The following RBM33 variants were observed in gnomAD, a reference collection of about 807,000 sequenced individuals.
RBM33 encodes the protein RNA binding motif protein 33, also known as RNA-binding protein 33.
A neutral mutation model predicts 132.6 loss-of-function variants in RBM33; 28 were observed. The ratio of observed to expected loss-of-function variants is 0.21; its 90% CI spans 0.16 to 0.29. The LOEUF (loss-of-function observed/expected upper bound fraction) is 0.29, where lower values mean the gene tolerates loss of function less well. RBM33 is among the 10% of genes least tolerant of loss of function. RBM33 has a pLI of 1.00. For missense variants in RBM33, 1,291 were observed against 1,518.5 expected, an observed-to-expected ratio of 0.85 and a Z score of 2.49; for synonymous variants, 634 against 593.0, an observed-to-expected ratio of 1.07 and a Z score of -1.01.
rs766542785 is a variant in RBM33 at position 155,775,030 on chromosome 7, A to G, written c.3502A>G (p.Ile1168Val). 1 of 1,613,734 alleles carries G rather than the reference A, an allele frequency of 6.2e-7. No individual in the cohort carries two copies. The highest frequency in any genetic ancestry group is 1.1e-5 in the South Asian group (1 of 91,072). Residue 1168 changes from isoleucine (I) to valine (V), a missense_variant, in exon 18 of 18, where the codon ATC (isoleucine) becomes GTC (valine). By Grantham distance (29) the Ile-to-Val change is conservative. Transcript: ENST00000401878. ...IDLSHINVAL[I>V]VE ...TTTGTCCCACATAAATGTGGCCCTG[A>G]TCGTGGAGTGAGTCCTAACAAGAGA...
rs772155762 is a variant in RBM33 at position 155,774,574 on chromosome 7, C to T, written c.3391C>T (p.Pro1131Ser). Residue 1131 changes from proline (P) to serine (S), a missense_variant, in exon 17 of 18, where the codon CCT (proline) becomes TCT (serine). Pro to Ser is a moderately conservative substitution (Grantham distance 74). Around this residue, in one of 7 missense-constraint regions of RBM33, gnomAD observed 55 missense variants for 101.4 expected, o/e 0.54. Transcript: ENST00000401878. The surrounding 1 kb of genome is among the most constrained non-coding windows in gnomAD (Gnocchi z 4.2). Reference sequence around the variant, plus strand: ...CTTCCTCTAGAGTTTACAGATGCTTCCTCAGCAACGGAAAGCCATAGCTAA... The same window carrying T: ...CTTCCTCTAGAGTTTACAGATGCTTTCTCAGCAACGGAAAGCCATAGCTAA... ...VGPIQSLQML[P>S]QQRKAIAKFK... The T allele has an allele frequency of 6.2e-7, 1 of 1,613,704 alleles. No homozygotes were observed. The highest frequency in any genetic ancestry group is 1.7e-5 in the Admixed American group (1 of 60,020).
chr7:155,709,203 A>G (rs1333233370), intron 7 of RBM33, among the ~76,000 whole-genome samples: 1 of 152,118 alleles, frequency 6.6e-6, no homozygotes, highest in Non-Finnish European at 1.5e-5. Context: ...ATTAAACATA[A>G]TATATGCATA....
intron 6 of RBM33, among the ~76,000 whole-genome samples, chr7:155,702,058 A>G (rs1007067525): frequency 6.6e-6 from 1 of 152,148 alleles, no homozygotes; most frequent in Non-Finnish European, 1.5e-5. Flanking sequence ...CCACTGGGAT[A>G]TTGTCCTTCC....
intron 16 of RBM33, among the ~76,000 whole-genome samples, chr7:155,773,838 A>T (rs896576851): frequency 2.0e-5 from 3 of 152,156 alleles, no homozygotes; most frequent in African/African-American, 7.2e-5. Context: ...TGAGGACTAG[A>T]TGTAAGTTTC....
chr7:155,705,019 C>A (rs1800074513), intron 6 of RBM33, among the ~76,000 whole-genome samples: 1 of 151,988 alleles, frequency 6.6e-6, no homozygotes, highest in Non-Finnish European at 1.5e-5. Flanking sequence ...ATTGTGTATT[C>A]TATATGTATT....
intron 3 of RBM33, among the ~76,000 whole-genome samples, chr7:155,673,569 T>TAC (rs1167593052): frequency 1.1e-5 from 1 of 93,184 alleles, no homozygotes; most frequent in Non-Finnish European, 2.2e-5. Context: ...TACACACATA[T>TAC]ACATACACAC....
intron 1 of RBM33, among the ~76,000 whole-genome samples, chr7:155,651,086 C>T (rs770122993): frequency 6.6e-6 from 1 of 152,132 alleles, no homozygotes; most frequent in Non-Finnish European, 1.5e-5. Flanking sequence ...CCACGTTGGC[C>T]AGGCTGGTCT....
intron 3 of RBM33, among the ~76,000 whole-genome samples, chr7:155,673,754 A>C (rs576249246): frequency 1.6e-5 from 1 of 61,320 alleles, no homozygotes; most frequent in Non-Finnish European, 3.4e-5. Flanking sequence ...ACGTGTATAT[A>C]CGCGCGCATG....
chr7:155,689,744 C>T (rs1264918028), intron 5 of RBM33, among the ~76,000 whole-genome samples: 2 of 152,324 alleles, frequency 1.3e-5, no homozygotes, highest in African/African-American at 4.8e-5. Flanking sequence ...AGTAGTCAGT[C>T]AGGAGCAGGT....
chr7:155,764,460 A>G (rs1802147523), intron 15 of RBM33, among the ~76,000 whole-genome samples: 1 of 152,248 alleles, frequency 6.6e-6, no homozygotes, highest in African/African-American at 2.4e-5. Flanking sequence ...AACTTGCTCT[A>G]GGCCACAGTT....
intron 9 of RBM33, among the ~76,000 whole-genome samples, chr7:155,720,590 A>G (rs1310604412): frequency 6.6e-6 from 1 of 152,222 alleles, no homozygotes; most frequent in Non-Finnish European, 1.5e-5. Flanking sequence ...GATCTACTTT[A>G]TGTCAAGTGC....
chr7:155,701,681 G>T (rs987087651), intron 6 of RBM33, among the ~76,000 whole-genome samples: 2 of 152,090 alleles, frequency 1.3e-5, no homozygotes, highest in African/African-American at 2.4e-5. Context: ...GCCCAAAAAA[G>T]TTGTATTTTT....
At chr7:155,720,683 C>T (rs1800596620) in intron 9 of RBM33, among the ~76,000 whole-genome samples, 2 of 152,294 alleles carry the variant, frequency 1.3e-5, no homozygotes, top group East Asian at 1.9e-4. Flanking sequence ...AGCTAATTTT[C>T]ATTTGAGTAA....
At chr7:155,661,130 G>A (rs2362377) in intron 1 of RBM33, among the ~76,000 whole-genome samples, 41,095 of 83,552 alleles carry the variant, frequency 0.49, 8,881 homozygotes, top group East Asian at 0.63. Flanking sequence ...GTGTGTGTGT[G>A]TATATATATA....
At chr7:155,738,012 C>A in intron 10 of RBM33, 48 bp from the exon 11 acceptor site, 2 of 1,501,534 alleles carry the variant, frequency 1.3e-6, no homozygotes, top group Non-Finnish European at 1.8e-6. Context: ...TTCTGAGAAG[C>A]ACATGGTCTT....
intron 14 of RBM33, among the ~76,000 whole-genome samples, chr7:155,750,507 G>C (rs878985764): frequency 1.3e-5 from 2 of 152,184 alleles, no homozygotes; most frequent in Non-Finnish European, 2.9e-5. Flanking sequence ...TATAGTCTTT[G>C]AAGTGTTTGC....
intron 7 of RBM33, among the ~76,000 whole-genome samples, chr7:155,708,803 C>G (rs1800192414): frequency 6.6e-6 from 1 of 152,216 alleles, no homozygotes. Flanking sequence ...TCTGTTACAT[C>G]ATAAGCTTTC....
At chr7:155,667,620 G>C (rs997675427) in intron 2 of RBM33, among the ~76,000 whole-genome samples, 3 of 152,060 alleles carry the variant, frequency 2.0e-5, no homozygotes, top group African/African-American at 7.3e-5. Context: ...GTTTGCTGGT[G>C]GTCCATTGTG....
intron 6 of RBM33, among the ~76,000 whole-genome samples, chr7:155,703,229 C>T (rs1253987940): frequency 2.0e-5 from 3 of 152,142 alleles, no homozygotes; most frequent in Admixed American, 6.5e-5. Flanking sequence ...TTGACAATTT[C>T]GTGTATTTAA....
Sources: gnomAD v4.1 joint callset for allele counts (sites outside exome capture counted in the v4.1 genomes callset) on GRCh38, gnomAD v4.1.1 for gene constraint, gnomAD v4.1.1 regional missense constraint, Gnocchi (gnomAD v3.1) non-coding constraint, MANE v1.5 for transcripts, NCBI Gene and HGNC (gene_info 2026-07-23, HGNC 2026-07-21) for gene names.